The following ADAM2 variants were observed in gnomAD, a reference collection of about 807,000 sequenced individuals.
The protein encoded by ADAM2 is disintegrin and metalloproteinase domain-containing protein 2.
Under a neutral mutation model 99.3 loss-of-function variants are expected in ADAM2, and 101 were observed. The ratio of observed to expected loss-of-function variants is 1.02; its 90% confidence interval spans 0.87 to 1.20. ADAM2 has a LOEUF of 1.20. ADAM2 is among the 50% of genes most tolerant of loss of function. ADAM2 has a pLI of 0.00. For synonymous variants in ADAM2, 323 were observed against 287.6 expected, an observed-to-expected ratio of 1.12 and a Z score of -1.25; for missense variants, 948 against 878.7, an observed-to-expected ratio of 1.08 and a Z score of -1.00.
In ADAM2 at chr8:39,785,796, TAA is replaced by T. The variant is rs58429092; in HGVS notation, c.891+1176_891+1177del. Among the ~76,000 whole-genome samples, 584 of 122,476 alleles carry T rather than the reference TAA, an allele frequency of 4.8e-3. 6 individuals carry two copies. Among genetic ancestry groups the T allele is most frequent in the East Asian group, 0.027 (115 of 4,334 alleles). The allele number at this position is 122,476 out of a possible 152,430, so 80.3% of individuals were successfully genotyped here. ...TGGATGACAGAGACTCTGTCTCAAATAAAAAAAAAAAAAAAAAGAAAGACAGA... is the reference window on the plus strand; with the variant it reads ...TGGATGACAGAGACTCTGTCTCAAATAAAAAAAAAAAAAAAGAAAGACAGA... On this transcript the variant is annotated intron_variant, in intron 10 of 20. Transcript: ENST00000265708.
At chr8:39,831,985 T>C (rs1426337369) in intron 3 of ADAM2, among the ~76,000 whole-genome samples, 1 of 152,118 alleles carries the variant, frequency 6.6e-6, no homozygotes, top group Non-Finnish European at 1.5e-5. Context: ...AAATTGAAAA[T>C]TCAGAGTCCT....
Position 39,766,981 on chromosome 8 carries a change from G to GCAAT in ADAM2, c.1370_1373dup (p.Cys458Ter). ...CTGGGCATGATGCAGATGATCCATT[G>GCAAT]CAATATTCAGGGAGGTCGCATTCTT... On this transcript the variant is annotated stop_gained and frameshift_variant, in exon 14 of 21. Coordinates refer to ENST00000265708, the MANE Select transcript of ADAM2 (RefSeq NM_001464.5). LOFTEE classifies it high-confidence loss of function. The GCAAT allele has an allele frequency of 6.2e-7, 1 of 1,614,154 alleles. No individual in the cohort carries two copies.
chr8:39,822,854 C>T (rs1805253704), intron 4 of ADAM2, among the ~76,000 whole-genome samples: 1 of 152,006 alleles, frequency 6.6e-6, no homozygotes, highest in African/African-American at 2.4e-5. Flanking sequence ...CTGCAATCTC[C>T]TCCACCTGGG....
Position 39,821,032 on chromosome 8 carries a change from T to C in ADAM2, c.483A>G (p.Arg161=), listed in dbSNP as rs760293167. The part of the protein sequence containing the change: ...SLYNEKDIES[R]DLSFKLQSVE... ...CGCTTTGTAATTTAAAGGACAGATCTCTTGATTCAATATCCTTCTCATTAT... is the reference window on the plus strand; with the variant it reads ...CGCTTTGTAATTTAAAGGACAGATCCCTTGATTCAATATCCTTCTCATTAT... The change falls in exon 6 of 21, where the codon AGA becomes AGG. Residue 161 remains arginine, a synonymous_variant. Coordinates refer to ENST00000265708, the MANE Select transcript of ADAM2 (RefSeq NM_001464.5). 1.9e-6 allele frequency: 3 copies of C among 1,602,322 alleles called. No individual in the cohort carries two copies. The highest frequency in any genetic ancestry group is 1.1e-5 in the South Asian group (1 of 89,410).
intron 3 of ADAM2, among the ~76,000 whole-genome samples, chr8:39,829,973 CACA>C (rs918875940): frequency 3.3e-5 from 5 of 152,010 alleles, no homozygotes; most frequent in Non-Finnish European, 7.4e-5. Context: ...AAATGGATAT[CACA>C]ACAATCCAGA....
chr8:39,821,059 T>G lies in ADAM2; in HGVS notation c.456A>C (p.Leu152Phe). The G allele has an allele frequency of 1.9e-6, 3 of 1,605,856 alleles. No homozygotes were observed. Among genetic ancestry groups the G allele is most frequent in the Non-Finnish European group, 2.6e-6 (3 of 1,173,122 alleles). The change falls in exon 6 of 21, where the codon TTA becomes TTC. Residue 152 changes from leucine (L) to phenylalanine (F), a missense_variant. Leu to Phe is a conservative substitution (Grantham distance 22, BLOSUM62 0). Transcript: ENST00000265708. ...TTGATTCAATATCCTTCTCATTATATAAGGAAACATCTGCTTTCTTATGTT... is the reference window on the plus strand; with the variant it reads ...TTGATTCAATATCCTTCTCATTATAGAAGGAAACATCTGCTTTCTTATGTT... ...QVKHKKADVS[L>F]YNEKDIESRD...
chr8:39,803,546 G>C (rs1180917762), intron 7 of ADAM2, among the ~76,000 whole-genome samples: 1 of 152,090 alleles, frequency 6.6e-6, no homozygotes, highest in Non-Finnish European at 1.5e-5. Context: ...TTTTGATAAA[G>C]CTGCCTTAAA....
chr8:39,762,776 C>T (rs1802420045), intron 14 of ADAM2, among the ~76,000 whole-genome samples: 1 of 152,168 alleles, frequency 6.6e-6, no homozygotes, highest in Non-Finnish European at 1.5e-5. Flanking sequence ...AGATTTCAGG[C>T]TTGCCTAGCC....
At chr8:39,763,243 T>C (rs541070997) in intron 14 of ADAM2, among the ~76,000 whole-genome samples, 1 of 152,316 alleles carries the variant, frequency 6.6e-6, no homozygotes, top group South Asian at 2.1e-4. Context: ...ATCTTGGCTT[T>C]CAGAGTGAGG....
chr8:39,769,950 CTTT>C (rs60250805), intron 11 of ADAM2, among the ~76,000 whole-genome samples: 1 of 134,848 alleles, frequency 7.4e-6, no homozygotes. Context: ...TTTCTTTTTT[CTTT>C]TTTTTTTTTT....
At chr8:39,833,248 A>C (rs937296400) in intron 3 of ADAM2, among the ~76,000 whole-genome samples, 4 of 152,236 alleles carry the variant, frequency 2.6e-5, no homozygotes, top group African/African-American at 7.2e-5. Flanking sequence ...TCCATCTTAT[A>C]AATAGAAAAC....
chr8:39,805,854 G>A (rs1804414450), intron 7 of ADAM2, among the ~76,000 whole-genome samples: 1 of 152,188 alleles, frequency 6.6e-6, no homozygotes, highest in Admixed American at 6.5e-5. Context: ...GTGATTTTAA[G>A]CAACAGATCA....
intron 4 of ADAM2, among the ~76,000 whole-genome samples, chr8:39,824,509 C>T (rs1805322532): frequency 6.6e-6 from 1 of 152,116 alleles, no homozygotes; most frequent in Non-Finnish European, 1.5e-5. Context: ...TCAGATTTAG[C>T]TTTCCTGATA....
At chr8:39,826,135 G>A (rs1163656093) in intron 3 of ADAM2, among the ~76,000 whole-genome samples, 1 of 152,014 alleles carries the variant, frequency 6.6e-6, no homozygotes, top group Non-Finnish European at 1.5e-5. Flanking sequence ...TAGCCAAAAC[G>A]AGCTTGACCA....
At chr8:39,827,609 G>A (rs749006209) in intron 3 of ADAM2, among the ~76,000 whole-genome samples, 6 of 152,130 alleles carry the variant, frequency 3.9e-5, no homozygotes, top group Non-Finnish European at 7.4e-5. Flanking sequence ...AGGGCATTAT[G>A]TAAAGCAAAA....
intron 7 of ADAM2, 33 bp from the exon 8 acceptor site, chr8:39,788,773 A>G: frequency 8.7e-7 from 1 of 1,152,416 alleles, no homozygotes; most frequent in Non-Finnish European, 1.2e-6. Flanking sequence ...AGATATAAAT[A>G]TATATTGCTT....
At chr8:39,782,433 C>G (rs987238181) in intron 10 of ADAM2, among the ~76,000 whole-genome samples, 1 of 151,780 alleles carries the variant, frequency 6.6e-6, no homozygotes, top group Non-Finnish European at 1.5e-5. Flanking sequence ...GAGAATTAGC[C>G]CCTCCTTTTG....
chr8:39,787,987 T>C (rs1189989962), intron 9 of ADAM2, 98 bp downstream of exon 9: 8 of 791,888 alleles, frequency 1.0e-5, no homozygotes, highest in Non-Finnish European at 1.4e-5. Flanking sequence ...GAGAAAAAAA[T>C]AGATTTTTTT....
chr8:39,770,736 T>G (rs1239213880), intron 11 of ADAM2, among the ~76,000 whole-genome samples: 1 of 152,228 alleles, frequency 6.6e-6, no homozygotes, highest in African/African-American at 2.4e-5. Context: ...TCAAATTCAC[T>G]ACAGGGAAAT....
Sources: gnomAD v4.1 joint callset for allele counts (sites outside exome capture counted in the v4.1 genomes callset) on GRCh38, gnomAD v4.1.1 for gene constraint, MANE v1.5 for transcripts, NCBI Gene and HGNC (gene_info 2026-07-23, HGNC 2026-07-21) for gene names.